TBC1D19: variants seen among roughly 807,000 people sequenced by gnomAD.
TBC1D19 encodes the protein TBC1 domain family, member 19.
Under a neutral mutation model 89.0 loss-of-function variants are expected in TBC1D19, and 60 were observed. That is an observed-to-expected ratio of 0.67 (90% confidence interval 0.55 to 0.84). The LOEUF (loss-of-function observed/expected upper bound fraction) is 0.84. Ranked by LOEUF, TBC1D19 falls within the 40% of genes least tolerant of loss-of-function variation. TBC1D19 has a pLI of 0.00. For synonymous variants in TBC1D19, 189 were observed against 199.7 expected, an observed-to-expected ratio of 0.95 and a Z score of 0.45; for missense variants, 500 against 610.8, an observed-to-expected ratio of 0.82 and a Z score of 1.91.
the TBC1D19 span, among the ~76,000 whole-genome samples, chr4:26,782,874 T>C: frequency 6.6e-6 from 1 of 152,026 alleles, no homozygotes; most frequent in Non-Finnish European, 1.5e-5. Flanking sequence ...ATACAGATTG[T>C]TTTCTCTTTG....
chr4:26,682,712 C>T (rs973312678), intron 11 of TBC1D19, among the ~76,000 whole-genome samples: 5 of 152,190 alleles, frequency 3.3e-5, no homozygotes, highest in Non-Finnish European at 7.3e-5. Context: ...GTTAGCATAA[C>T]TATTACCCAG....
chr4:26,588,580 G>A (rs1739574536), intron 1 of TBC1D19, among the ~76,000 whole-genome samples: 1 of 151,824 alleles, frequency 6.6e-6, no homozygotes, highest in Non-Finnish European at 1.5e-5. Flanking sequence ...TGGTTTATCT[G>A]TGTCTATAAA....
chr4:26,753,108 T>C (rs989459551), intron 19 of TBC1D19, among the ~76,000 whole-genome samples: 12 of 152,220 alleles, frequency 7.9e-5, no homozygotes, highest in Admixed American at 7.8e-4. Context: ...CCTACAGATA[T>C]ATCCATTTGT....
chr4:26,591,589 A>T (rs1739812984), intron 1 of TBC1D19, among the ~76,000 whole-genome samples: 2 of 152,226 alleles, frequency 1.3e-5, no homozygotes. Flanking sequence ...ATAGACCACT[A>T]GCAAGGCTAA....
At chr4:26,851,926 G>A in the TBC1D19 span, among the ~76,000 whole-genome samples, 2 of 152,218 alleles carry the variant, frequency 1.3e-5, no homozygotes, top group South Asian at 2.1e-4. Context: ...GAGACAGAAA[G>A]GGTATGTCTG....
chr4:26,590,981 T>G (rs1443811265), intron 1 of TBC1D19, among the ~76,000 whole-genome samples: 1 of 151,712 alleles, frequency 6.6e-6, no homozygotes, highest in Non-Finnish European at 1.5e-5. Context: ...CATGGTGTCC[T>G]GTATTTATGT....
chr4:26,590,974 G>GGTGTCCT (rs545210526), intron 1 of TBC1D19, among the ~76,000 whole-genome samples: 257 of 150,828 alleles, frequency 1.7e-3, no homozygotes, highest in African/African-American at 6.1e-3. Context: ...ACAAATACAT[G>GGTGTCCT]GTGTCCTGTA....
intron 13 of TBC1D19, among the ~76,000 whole-genome samples, chr4:26,690,104 T>G (rs1180362410): frequency 6.6e-6 from 1 of 152,164 alleles, no homozygotes; most frequent in Non-Finnish European, 1.5e-5. Flanking sequence ...ATTTTAGTAG[T>G]CTGAATAGAA....
At chr4:26,752,741 T>A (rs1719038090) in intron 19 of TBC1D19, among the ~76,000 whole-genome samples, 1 of 152,196 alleles carries the variant, frequency 6.6e-6, no homozygotes, top group Admixed American at 6.5e-5. Flanking sequence ...CACATGGAGT[T>A]TTATGGTAGG....
intron 13 of TBC1D19, among the ~76,000 whole-genome samples, chr4:26,708,638 C>T (rs1048627261): frequency 3.9e-5 from 6 of 151,928 alleles, no homozygotes; most frequent in African/African-American, 1.2e-4. Context: ...CCATAAGTTC[C>T]TATGGCTCTG....
At chr4:26,771,798 T>G in the TBC1D19 span, among the ~76,000 whole-genome samples, 2 of 152,196 alleles carry the variant, frequency 1.3e-5, no homozygotes, top group Non-Finnish European at 2.9e-5. Context: ...AAAGGGTATG[T>G]CTCATGTTAA....
At chr4:26,807,493 A>G in the TBC1D19 span, among the ~76,000 whole-genome samples, 41,480 of 152,108 alleles carry the variant, frequency 0.27, 6,309 homozygotes, top group South Asian at 0.35. Flanking sequence ...GGTTATTTAT[A>G]TAGATCGAGC....
the TBC1D19 span, among the ~76,000 whole-genome samples, chr4:26,788,233 A>G: frequency 6.6e-6 from 1 of 152,276 alleles, no homozygotes; most frequent in Non-Finnish European, 1.5e-5. Context: ...GGGCTGACAC[A>G]GGAACCAAGA....
downstream of TBC1D19, among the ~76,000 whole-genome samples, chr4:26,758,326 A>G (rs1016177986): frequency 6.6e-6 from 1 of 152,112 alleles, no homozygotes; most frequent in African/African-American, 2.4e-5. Flanking sequence ...CCCTTGACCT[A>G]CTCAGAAATT....
At chr4:26,849,331 G>C in the TBC1D19 span, among the ~76,000 whole-genome samples, 3 of 152,142 alleles carry the variant, frequency 2.0e-5, no homozygotes, top group Non-Finnish European at 4.4e-5. Flanking sequence ...TTACTCTTCT[G>C]TAAGAAAGTT....
At chr4:26,771,912 A>G in the TBC1D19 span, among the ~76,000 whole-genome samples, 25 of 152,358 alleles carry the variant, frequency 1.6e-4, no homozygotes, top group Middle Eastern at 3.4e-3. Context: ...TCAATGAAAT[A>G]GAAAACAAAA....
the TBC1D19 span, among the ~76,000 whole-genome samples, chr4:26,829,853 G>A: frequency 6.7e-3 from 1,016 of 152,268 alleles, 8 homozygotes; most frequent in Non-Finnish European, 0.011. Flanking sequence ...TTGCATTCCC[G>A]GAATGACTTT....
the TBC1D19 span, among the ~76,000 whole-genome samples, chr4:26,776,352 A>G: frequency 1.3e-5 from 2 of 152,204 alleles, no homozygotes; most frequent in Non-Finnish European, 2.9e-5. Flanking sequence ...AATATCTATA[A>G]TCATTCATTT....
Position 26,602,435 on chromosome 4 carries a change from C to CTT in TBC1D19, c.100-10711_100-10710dup, listed in dbSNP as rs34004440. 3.6e-3 allele frequency among the ~76,000 whole-genome samples: 263 copies of CTT among 73,010 alleles called. 1 individual carries two copies. Among genetic ancestry groups the CTT allele is most frequent in the African/African-American group, 9.0e-3 (194 of 21,660 alleles). The allele number at this position is 73,010 out of a possible 152,430, so 47.9% of individuals were successfully genotyped here. Reference sequence around the variant, plus strand: ...AACTGATACCAAACCCTATTGTATTCTTTTTTTTTTTTTTTTTTTTTTTTG... The same window carrying CTT: ...AACTGATACCAAACCCTATTGTATTCTTTTTTTTTTTTTTTTTTTTTTTTTTG... On this transcript the variant is annotated intron_variant, in intron 1 of 20. Coordinates refer to ENST00000264866, the MANE Select transcript of TBC1D19 (RefSeq NM_018317.4).
Sources: gnomAD v4.1 joint callset for allele counts (sites outside exome capture counted in the v4.1 genomes callset) on GRCh38, gnomAD v4.1.1 for gene constraint, MANE v1.5 for transcripts, NCBI Gene and HGNC (gene_info 2026-07-23, HGNC 2026-07-21) for gene names.